The following TAF4B variants were observed in gnomAD, a reference collection of about 807,000 sequenced individuals.
TAF4B encodes the protein transcription initiation factor TFIID subunit 4B.
In TAF4B, 38 loss-of-function variants were observed where a neutral mutation model predicts 86.4. That is an observed-to-expected ratio of 0.44 (90% confidence interval 0.34 to 0.58). The LOEUF (loss-of-function observed/expected upper bound fraction) is 0.58. Among genes scored for constraint, TAF4B ranks in the 20% least tolerant of loss-of-function variants. The pLI, the probability that TAF4B is intolerant of heterozygous loss-of-function variation, is 0.02. For missense variants in TAF4B, 988 were observed against 1,027.6 expected, an observed-to-expected ratio of 0.96 and a Z score of 0.53; for synonymous variants, 388 against 391.2, an observed-to-expected ratio of 0.99 and a Z score of 0.10.
chr18:26,323,450 C>T (rs1206921413), intron 11 of TAF4B, among the ~76,000 whole-genome samples: 1 of 151,928 alleles, frequency 6.6e-6, no homozygotes, highest in Non-Finnish European at 1.5e-5. Context: ...CAAGCACCCT[C>T]CCACCTCAAG....
chr18:26,309,812 A>G (rs1320201604), intron 9 of TAF4B, among the ~76,000 whole-genome samples: 1 of 151,998 alleles, frequency 6.6e-6, no homozygotes, highest in Non-Finnish European at 1.5e-5. Flanking sequence ...GTCCATGGTC[A>G]TCCTATTAAT....
At chr18:26,328,886 G>A (rs1395036944) in intron 12 of TAF4B, among the ~76,000 whole-genome samples, 2 of 152,018 alleles carry the variant, frequency 1.3e-5, no homozygotes, top group African/African-American at 4.8e-5. Context: ...AAAGTTCTGG[G>A]ATTACAGGAC....
chr18:26,308,295 T>C (rs1414019610), intron 9 of TAF4B, among the ~76,000 whole-genome samples: 1 of 152,158 alleles, frequency 6.6e-6, no homozygotes, highest in Non-Finnish European at 1.5e-5. Flanking sequence ...AAGTGAATTA[T>C]ATGAGTGAAG....
At chr18:26,256,035 T>C (rs1280469234) in intron 1 of TAF4B, 1 of 1,265,954 alleles carries the variant, frequency 7.9e-7, no homozygotes, top group Non-Finnish European at 1.2e-6. Flanking sequence ...TGCAGTTTAC[T>C]GATATGGTTG....
At position 26,292,280 on chromosome 18, in the gene TAF4B, A is replaced by C; in HGVS notation, c.1625A>C (p.Gln542Pro). Residue 542 changes from glutamine to proline, a missense_variant, in exon 8 of 15, where the codon CAA becomes CCA. By Grantham distance (76) the Gln-to-Pro change is moderately conservative (BLOSUM62 -1). Around this residue, in one of 3 missense-constraint regions of TAF4B, gnomAD observed 747 missense variants for 737.9 expected, o/e 1.01. Coordinates refer to ENST00000269142, the MANE Select transcript of TAF4B (RefSeq NM_005640.3). ...CAGCCTTCAGGAGGCAATGAAAAACAAGTGACCACAATTTCACATTCCTCA... is the reference window on the plus strand; with the variant it reads ...CAGCCTTCAGGAGGCAATGAAAAACCAGTGACCACAATTTCACATTCCTCA... ...VQQPSGGNEK[Q>P]VTTISHSSTL... The C allele has an allele frequency of 6.2e-7, 1 of 1,614,150 alleles. No homozygotes were observed. The highest frequency in any genetic ancestry group is 8.5e-7 in the Non-Finnish European group (1 of 1,180,004).
At chr18:26,277,233 GCCA>G (rs1453861136) in intron 5 of TAF4B, among the ~76,000 whole-genome samples, 2 of 152,024 alleles carry the variant, frequency 1.3e-5, no homozygotes, top group Non-Finnish European at 2.9e-5. Context: ...ACTGACATGT[GCCA>G]CCACACCTGG....
Position 26,378,501 on chromosome 18 carries a change from A to G in TAF4B, c.2422-11344A>G, listed in dbSNP as rs1012062222. The stretch of plus-strand genomic sequence containing the variant: ...GTACACCAGATCATAAGAAAGAGTA[A>G]CCATGTTCCTTTGGGGAAGTCTTCA... On this transcript the variant is annotated intron_variant, in intron 14 of 14. Coordinates refer to ENST00000269142, the MANE Select transcript of TAF4B (RefSeq NM_005640.3). Among the ~76,000 whole-genome samples, 5 of 152,268 alleles carry G rather than the reference A, an allele frequency of 3.3e-5. No individual in the cohort carries two copies. The East Asian group carries it at 9.6e-4, about 29-fold the overall frequency.
chr18:26,229,949 C>G (rs2055638833), intron 1 of TAF4B, among the ~76,000 whole-genome samples: 1 of 142,182 alleles, frequency 7.0e-6, no homozygotes, highest in Admixed American at 6.7e-5. Flanking sequence ...ATGAACAGAA[C>G]TGGTTTAAAA....
At chr18:26,348,162 G>T (rs2057215737) in intron 13 of TAF4B, among the ~76,000 whole-genome samples, 1 of 152,172 alleles carries the variant, frequency 6.6e-6, no homozygotes, top group Admixed American at 6.5e-5. Context: ...TTGACCATAT[G>T]TTAGGACATA....
At chr18:26,375,521 A>G (rs896014459) in intron 14 of TAF4B, among the ~76,000 whole-genome samples, 8 of 152,106 alleles carry the variant, frequency 5.3e-5, no homozygotes, top group African/African-American at 1.2e-4. Flanking sequence ...TTCCATCCAC[A>G]ATGCACAAGG....
chr18:26,244,677 G>A (rs1371282769), intron 1 of TAF4B, among the ~76,000 whole-genome samples: 1 of 152,178 alleles, frequency 6.6e-6, no homozygotes, highest in Admixed American at 6.5e-5. Flanking sequence ...GTAGACTGGA[G>A]CTGTTCCTAT....
At chr18:26,353,732 T>C (rs1451096729) in intron 13 of TAF4B, among the ~76,000 whole-genome samples, 1 of 152,250 alleles carries the variant, frequency 6.6e-6, no homozygotes, top group African/African-American at 2.4e-5. Context: ...GCATTATAGT[T>C]TAAGTCCTTA....
Position 26,286,024 on chromosome 18 carries a change from C to T in TAF4B, c.1115C>T (p.Ser372Phe). ...TTSPVVTTTV[S>F]SSQSEKSIIV... ...TCTCCTGTGGTGACAACTACAGTGTCCTCAAGCCAGTCTGAAAAGTCAATT... is the reference window on the plus strand; with the variant it reads ...TCTCCTGTGGTGACAACTACAGTGTTCTCAAGCCAGTCTGAAAAGTCAATT... Residue 372 changes from serine to phenylalanine, a missense_variant, in exon 7 of 15, where the codon TCC (serine) becomes TTC (phenylalanine). Coordinates refer to ENST00000269142, the MANE Select transcript of TAF4B (RefSeq NM_005640.3). 6.2e-7 allele frequency: 1 copy of T among 1,614,208 alleles called. No homozygotes were observed. The highest frequency in any genetic ancestry group is 8.5e-7 in the Non-Finnish European group (1 of 1,180,034).
chr18:26,331,598 ACAC>A (rs893853122), intron 12 of TAF4B, among the ~76,000 whole-genome samples: 16 of 152,174 alleles, frequency 1.1e-4, no homozygotes, highest in Admixed American at 2.6e-4. Flanking sequence ...TCAATAAATT[ACAC>A]CACCATCTTC....
At chr18:26,303,943 A>G (rs1353867030) in intron 9 of TAF4B, among the ~76,000 whole-genome samples, 1 of 152,060 alleles carries the variant, frequency 6.6e-6, no homozygotes, top group Non-Finnish European at 1.5e-5. Context: ...CAGATTCTGC[A>G]TGATTTGTTG....
intron 3 of TAF4B, among the ~76,000 whole-genome samples, chr18:26,272,551 G>A (rs111488963): frequency 2.6e-5 from 4 of 151,968 alleles, no homozygotes; most frequent in African/African-American, 9.7e-5. Flanking sequence ...ACTTGTAAAC[G>A]ATAGGACGTT....
At chr18:26,243,963 A>G (rs1386976139) in intron 1 of TAF4B, among the ~76,000 whole-genome samples, 1 of 152,200 alleles carries the variant, frequency 6.6e-6, no homozygotes, top group Admixed American at 6.5e-5. Flanking sequence ...TCAGAGGGGC[A>G]CCTGGCTGTA....
chr18:26,330,843 T>C (rs12954996), intron 12 of TAF4B, among the ~76,000 whole-genome samples: 53,435 of 152,026 alleles, frequency 0.35, 9,730 homozygotes, highest in Non-Finnish European at 0.41. Flanking sequence ...CTATCAGTTA[T>C]TTAATCAATG....
intron 1 of TAF4B, among the ~76,000 whole-genome samples, chr18:26,247,112 G>A (rs772348566): frequency 5.9e-5 from 9 of 152,064 alleles, no homozygotes; most frequent in South Asian, 2.1e-4. Flanking sequence ...TGATCCACCC[G>A]CCTCGGCCTC....
Sources: gnomAD v4.1 joint callset for allele counts (sites outside exome capture counted in the v4.1 genomes callset) on GRCh38, gnomAD v4.1.1 for gene constraint, gnomAD v4.1.1 regional missense constraint, MANE v1.5 for transcripts, NCBI Gene and HGNC (gene_info 2026-07-23, HGNC 2026-07-21) for gene names.